The following UBN2 variants were observed in gnomAD, a reference collection of about 807,000 sequenced individuals.
UBN2 encodes the protein ubinuclein-2.
UBN2 carries 35 observed loss-of-function variants against 120.2 expected under a neutral mutation model. The ratio of observed to expected loss-of-function variants is 0.29; its 90% CI spans 0.22 to 0.39. The LOEUF is 0.39. UBN2 is among the 10% of genes least tolerant of loss of function. The pLI is 1.00. For synonymous variants in UBN2, 661 were observed against 648.7 expected (o/e 1.02, Z -0.29); for missense variants, 1,693 against 1,663.2 (o/e 1.02, Z -0.31).
At chr7:139,266,037 T>C (rs1797087048) in intron 6 of UBN2, among the ~76,000 whole-genome samples, 1 of 152,080 alleles carries the variant, frequency 6.6e-6, no homozygotes, top group Admixed American at 6.6e-5. Flanking sequence ...ACAACTCATT[T>C]GGTGTTCTAC....
intron 9 of UBN2, among the ~76,000 whole-genome samples, chr7:139,272,723 C>G (rs1433269545): frequency 6.6e-6 from 1 of 152,078 alleles, no homozygotes; most frequent in Non-Finnish European, 1.5e-5. Flanking sequence ...GACAGGGTTT[C>G]ACCATGTTGA....
chr7:139,268,615 A>C (rs1195813285), intron 7 of UBN2, among the ~76,000 whole-genome samples: 1 of 152,090 alleles, frequency 6.6e-6, no homozygotes, highest in Admixed American at 6.5e-5. Flanking sequence ...GTTGCTCATA[A>C]ATGTTTTTTT....
the UBN2 span, among the ~76,000 whole-genome samples, chr7:139,315,966 A>T: frequency 6.6e-6 from 1 of 151,530 alleles, no homozygotes; most frequent in Non-Finnish European, 1.5e-5. Flanking sequence ...AATCCCAGCT[A>T]CTGGGGAGGC....
At chr7:139,247,430 T>TA (rs1281498991) in intron 2 of UBN2, among the ~76,000 whole-genome samples, 5 of 152,248 alleles carry the variant, frequency 3.3e-5, no homozygotes, top group East Asian at 1.9e-4. Context: ...TGTTTTCAAC[T>TA]AAAAAAATGA....
chr7:139,310,728 G>C (rs577119551), downstream of UBN2, among the ~76,000 whole-genome samples: 17 of 152,290 alleles, frequency 1.1e-4, no homozygotes, highest in African/African-American at 4.1e-4. Flanking sequence ...AGCCGAGATC[G>C]TGCTACTGCA....
Position 139,283,741 on chromosome 7 carries a change from A to G in UBN2, c.2836A>G (p.Thr946Ala), listed in dbSNP as rs1166940022. ...QQNYVSPLQA[T>A]ISKSQTNPVV... ...GAACTATGTGTCTCCATTACAGGCCACCATCAGTAAATCCCAGACCAACCC... is the reference window on the plus strand; with the variant it reads ...GAACTATGTGTCTCCATTACAGGCCGCCATCAGTAAATCCCAGACCAACCC... The change falls in exon 15 of 18, where the codon ACC (threonine) becomes GCC (alanine). Residue 946 changes from threonine to alanine, a missense_variant. Transcript: ENST00000473989. The G allele has an allele frequency of 3.1e-6, 5 of 1,613,832 alleles. No individual in the cohort carries two copies. The highest frequency in any genetic ancestry group is 2.2e-5 in the East Asian group (1 of 44,882).
At chr7:139,313,650 G>A in the UBN2 span, among the ~76,000 whole-genome samples, 1 of 152,028 alleles carries the variant, frequency 6.6e-6, no homozygotes, top group East Asian at 1.9e-4. Context: ...ATATTTTAAT[G>A]GGAACATTAA....
chr7:139,283,015 T>C lies in UBN2; in HGVS notation c.2119-9T>C. The C allele has an allele frequency of 4.6e-6, 7 of 1,522,784 alleles. No individual in the cohort carries two copies. The highest frequency in any genetic ancestry group is 6.2e-6 in the Non-Finnish European group (7 of 1,135,520). 94.3% of individuals were successfully genotyped at this position (1,522,784 alleles called of 1,614,324 possible). On this transcript the variant is annotated splice_polypyrimidine_tract_variant and intron_variant, in intron 14 of 17. Transcript: ENST00000473989. ...TTTCTATTTTTTTCCATATGATGCT[T>C]TACATTAGGAGTGTAGTCCAAAAAA...
At position 139,231,866 on chromosome 7, in the gene UBN2, C is replaced by T; in HGVS notation, c.382C>T (p.Arg128Cys). ...GCCGCGGCCGCCGAGGGAGACGGTG[C>T]GCCTGGAGCTGGTGCTTAAGGACCC... ...QPPRPPRETV[R>C]LELVLKDPTD... Residue 128 changes from arginine to cysteine, a missense_variant, in exon 1 of 18, where the codon CGC becomes TGC. By Grantham distance (180) the Arg-to-Cys change is radical (BLOSUM62 -3). Around this residue, in one of 5 missense-constraint regions of UBN2, gnomAD observed 663 missense variants for 591.2 expected, o/e 1.12. Coordinates refer to ENST00000473989, the MANE Select transcript of UBN2 (RefSeq NM_173569.4). 6.4e-7 allele frequency: 1 copy of T among 1,560,846 alleles called. No homozygotes were observed. The highest frequency in any genetic ancestry group is 1.8e-5 in the Admixed American group (1 of 55,684).
chr7:139,268,586 C>G (rs74299961), intron 7 of UBN2, among the ~76,000 whole-genome samples: 1 of 152,040 alleles, frequency 6.6e-6, no homozygotes, highest in African/African-American at 2.4e-5. Context: ...GATTTCCTTG[C>G]CTACTACCTA....
rs1231892686 is a variant in UBN2 at position 139,308,066 on chromosome 7, A to G, written c.*10230A>G. On this transcript the variant is annotated 3_prime_UTR_variant, in exon 18 of 18. Coordinates refer to ENST00000473989, the MANE Select transcript of UBN2 (RefSeq NM_173569.4). ...TAATTTTTTTGCAACAGCCTTGCTC[A>G]TATTCCAGGTGTAGCTAGCAAACCC... is the stretch of plus-strand genomic sequence containing the variant. 6.8e-6 allele frequency: 1 copy of G among 148,074 alleles called. No individual in the cohort carries two copies. Among genetic ancestry groups the G allele is most frequent in the Non-Finnish European group, 1.5e-5 (1 of 67,302 alleles). 9.2% of individuals were successfully genotyped at this position (148,074 alleles called of 1,614,324 possible).
At chr7:139,250,476 C>T (rs1378798963) in intron 2 of UBN2, among the ~76,000 whole-genome samples, 2 of 151,772 alleles carry the variant, frequency 1.3e-5, no homozygotes, top group Non-Finnish European at 2.9e-5. Context: ...TCAGGTGATC[C>T]GCCTGCCTCG....
At chr7:139,293,566 A>T in intron 16 of UBN2, 103 bp downstream of exon 16, 8 of 864,554 alleles carry the variant, frequency 9.3e-6, no homozygotes, top group Non-Finnish European at 1.4e-5. Context: ...GTTAATGAAG[A>T]TTATAGTTTT....
At chr7:139,261,221 A>G (rs1796920487) in intron 5 of UBN2, 31 bp from the exon 6 acceptor site, 2 of 1,553,908 alleles carry the variant, frequency 1.3e-6, no homozygotes, top group Non-Finnish European at 1.7e-6. Flanking sequence ...AAAATCACAC[A>G]TAGCCTAACT....
intron 17 of UBN2, among the ~76,000 whole-genome samples, chr7:139,296,715 C>T (rs905253424): frequency 1.3e-5 from 2 of 152,172 alleles, no homozygotes; most frequent in African/African-American, 4.8e-5. Context: ...AGCATTTAAA[C>T]AGCAGTATGT....
intron 4 of UBN2, 146 bp from the exon 5 acceptor site, chr7:139,259,121 C>G (rs1796851839): frequency 7.9e-7 from 1 of 1,263,048 alleles, no homozygotes; most frequent in Non-Finnish European, 1.1e-6. Context: ...TGAGAGTGCT[C>G]TTGAACCCCA....
intron 2 of UBN2, among the ~76,000 whole-genome samples, chr7:139,244,467 T>C (rs1563203792): frequency 6.6e-6 from 1 of 151,488 alleles, no homozygotes; most frequent in Non-Finnish European, 1.5e-5. Flanking sequence ...AGCCTAGGAG[T>C]TCAAGACCAG....
chr7:139,259,337 A>C lies in UBN2; in HGVS notation c.872A>C (p.Lys291Thr), dbSNP rs1796861117. 1.2e-6 allele frequency: 2 copies of C among 1,613,902 alleles called. No homozygotes were observed. Among genetic ancestry groups the C allele is most frequent in the African/African-American group, 2.7e-5 (2 of 74,930 alleles). Residue 291 changes from lysine to threonine, a missense_variant, in exon 5 of 18, where the codon AAG becomes ACG. This residue lies in a region of UBN2 where 663 missense variants were observed against 591.2 expected (regional missense o/e 1.12). Transcript: ENST00000473989. ...RKRKEEGEKE[K>T]KPRKKVPKQL... ...CGGAAAGAGGAAGGGGAAAAGGAGA[A>C]GAAGCCAAGGAAAAAAGTTCCCAAA...
intron 15 of UBN2, among the ~76,000 whole-genome samples, chr7:139,287,350 T>C (rs1000359434): frequency 6.6e-6 from 1 of 152,184 alleles, no homozygotes; most frequent in Non-Finnish European, 1.5e-5. Flanking sequence ...TATAAAAAAT[T>C]GGGGAGTTAT....
Sources: allele counts gnomAD v4.1 joint callset (sites outside exome capture counted in the v4.1 genomes callset), GRCh38; gene constraint gnomAD v4.1.1; regional missense constraint gnomAD v4.1.1; transcripts MANE v1.5; gene names NCBI Gene and HGNC (gene_info 2026-07-23, HGNC 2026-07-21).